The following ADGRB3 variants were observed in gnomAD, a reference collection of about 807,000 sequenced individuals.
ADGRB3 encodes adhesion G protein-coupled receptor B3, also known as brain-specific angiogenesis inhibitor 3.
Under a neutral mutation model 193.4 loss-of-function variants are expected in ADGRB3, and 37 were observed. The observed-to-expected ratio is 0.19, with a 90% CI of 0.15 to 0.25. The LOEUF is 0.25. Ranked by LOEUF, ADGRB3 falls within the 10% of genes least tolerant of loss-of-function variation. The probability of loss-of-function intolerance (pLI) is 1.00; values close to 1 mark genes in which losing one functional copy is unlikely to be tolerated. For missense variants in ADGRB3, 1,637 were observed against 1,852.9 expected (o/e 0.88, Z 2.14); for synonymous variants, 690 against 644.2 (o/e 1.07, Z -1.08).
At chr6:68,883,069 T>C (rs1765778573) in intron 3 of ADGRB3, among the ~76,000 whole-genome samples, 1 of 152,086 alleles carries the variant, frequency 6.6e-6, no homozygotes. Context: ...AATTTTTTTG[T>C]ATTTTTAGTA....
At chr6:69,266,433 T>C (rs909065042) in intron 20 of ADGRB3, among the ~76,000 whole-genome samples, 8 of 151,972 alleles carry the variant, frequency 5.3e-5, no homozygotes, top group African/African-American at 1.9e-4. Flanking sequence ...AAATACCCCT[T>C]GAGACCTAAT....
At chr6:69,283,222 T>G (rs1327208214) in intron 20 of ADGRB3, among the ~76,000 whole-genome samples, 1 of 152,216 alleles carries the variant, frequency 6.6e-6, no homozygotes. Flanking sequence ...GCTTCTGTTT[T>G]GTAACAGGGT....
chr6:69,137,078 A>ATTTTTTG (rs1193270145), intron 17 of ADGRB3, among the ~76,000 whole-genome samples: 2 of 121,434 alleles, frequency 1.6e-5, no homozygotes, highest in Non-Finnish European at 3.4e-5. Context: ...TTTTTTTTTA[A>ATTTTTTG]TGGTAAGATC....
At chr6:69,090,191 C>A (rs985211839) in intron 17 of ADGRB3, among the ~76,000 whole-genome samples, 2 of 152,134 alleles carry the variant, frequency 1.3e-5, no homozygotes, top group Non-Finnish European at 2.9e-5. Context: ...CTTAATATTA[C>A]ATGTATTTCA....
rs375977913 is a variant in ADGRB3, at chr6:68,710,286, C to T, written c.757+70854C>T. 2.0e-5 allele frequency among the ~76,000 whole-genome samples: 3 copies of T among 152,208 alleles called. No individual in the cohort carries two copies. The South Asian group carries it at 6.2e-4, about 32-fold the overall frequency. On this transcript the variant is annotated intron_variant, in intron 3 of 31. Transcript: ENST00000370598. ...TTCTCTGAATGTTATTACTTACTTC[C>T]ACTCTAACTCTGGTGCTGTGGGTTT...
intron 17 of ADGRB3, among the ~76,000 whole-genome samples, chr6:69,109,199 A>G (rs1773300269): frequency 6.6e-6 from 1 of 152,204 alleles, no homozygotes; most frequent in Non-Finnish European, 1.5e-5. Context: ...CATTTTAGAC[A>G]AGGTTGAATT....
intron 17 of ADGRB3, among the ~76,000 whole-genome samples, chr6:69,087,344 A>G (rs1258699561): frequency 6.6e-6 from 1 of 152,194 alleles, no homozygotes. Context: ...CAGCTTTGAC[A>G]TACTGAACTG....
intron 3 of ADGRB3, among the ~76,000 whole-genome samples, chr6:68,839,540 A>T (rs921531038): frequency 6.6e-6 from 1 of 152,194 alleles, no homozygotes. Flanking sequence ...CCTTATAGGA[A>T]CAAATTTCCA....
At chr6:69,197,278 C>A (rs1490649873) in intron 17 of ADGRB3, among the ~76,000 whole-genome samples, 2 of 151,952 alleles carry the variant, frequency 1.3e-5, no homozygotes, top group Non-Finnish European at 2.9e-5. Context: ...AATACTTTAA[C>A]TTTTAATTTT....
chr6:69,031,306 G>T lies in ADGRB3; in HGVS notation c.2107+12807G>T, dbSNP rs550595570. ...ATACAAAAATTTAACCGGGCGCAGT[G>T]GTTGGGGGCCTGTAGTCCCAGCTAC... On this transcript the variant is annotated intron_variant, in intron 13 of 31. Transcript: ENST00000370598. Among the ~76,000 whole-genome samples, 4 of 151,520 alleles carry T rather than the reference G, an allele frequency of 2.6e-5. No homozygotes were observed. The South Asian group carries it at 8.3e-4, about 32-fold the overall frequency.
chr6:68,660,683 T>C (rs1768607259), intron 3 of ADGRB3, among the ~76,000 whole-genome samples: 1 of 151,218 alleles, frequency 6.6e-6, no homozygotes, highest in Non-Finnish European at 1.5e-5. Context: ...TCTTTTAAAA[T>C]GTCTCATCTC....
At chr6:69,016,207 A>G (rs1211942427) in intron 12 of ADGRB3, among the ~76,000 whole-genome samples, 1 of 152,090 alleles carries the variant, frequency 6.6e-6, no homozygotes, top group Non-Finnish European at 1.5e-5. Context: ...AAGTTTGCCA[A>G]CCTTTTATAA....
chr6:69,376,054 T>G (rs1229582834), intron 30 of ADGRB3, among the ~76,000 whole-genome samples: 2 of 149,120 alleles, frequency 1.3e-5, no homozygotes, highest in African/African-American at 2.4e-5. Context: ...ATAAAAATTT[T>G]CACAGTTTTC....
At chr6:69,253,517 G>A (rs1766673200) in intron 20 of ADGRB3, among the ~76,000 whole-genome samples, 1 of 152,010 alleles carries the variant, frequency 6.6e-6, no homozygotes, top group Non-Finnish European at 1.5e-5. Context: ...AATTAGATGA[G>A]GATGCTGAGA....
chr6:69,040,811 A>G (rs958551278), intron 13 of ADGRB3, among the ~76,000 whole-genome samples: 4 of 151,778 alleles, frequency 2.6e-5, no homozygotes, highest in Non-Finnish European at 5.9e-5. Context: ...AAGTTTCTAT[A>G]TACATATTAC....
rs375611922 is a variant in ADGRB3, at chr6:69,361,262, T to G, written c.3989T>G (p.Ile1330Ser). The change falls in exon 29 of 32, where the codon ATT becomes AGT. Residue 1330 changes from isoleucine (I) to serine (S), a missense_variant. Ile to Ser is a moderately radical substitution (Grantham distance 142). Transcript: ENST00000370598. The stretch of plus-strand genomic sequence containing the variant: ...ATGAAAGAAGAAAGCAAAATGAATA[T>G]TGGCATGGAAACCTTGCCGCATGAA... ...PSMKEESKMN[I>S]GMETLPHERL... 4.7e-5 allele frequency: 76 copies of G among 1,612,698 alleles called. 1 individual carries two copies. The highest frequency in any genetic ancestry group is 3.1e-4 in the East Asian group (14 of 44,848).
At chr6:68,739,344 T>C (rs1765933560) in intron 3 of ADGRB3, among the ~76,000 whole-genome samples, 1 of 152,158 alleles carries the variant, frequency 6.6e-6, no homozygotes, top group South Asian at 2.1e-4. Context: ...TTTTGTTTAG[T>C]TTTAGTTGGG....
At chr6:68,930,095 G>T (rs911745700) in intron 3 of ADGRB3, among the ~76,000 whole-genome samples, 18 of 151,390 alleles carry the variant, frequency 1.2e-4, no homozygotes, top group Non-Finnish European at 1.9e-4. Flanking sequence ...TCTATTAAGT[G>T]ACTGGGTTTA....
intron 13 of ADGRB3, among the ~76,000 whole-genome samples, chr6:69,025,390 T>C (rs1440185927): frequency 6.6e-6 from 1 of 152,224 alleles, no homozygotes; most frequent in Non-Finnish European, 1.5e-5. Context: ...CTTCTCTTTC[T>C]AGGCTTTATT....
Sources: allele counts gnomAD v4.1 joint callset (sites outside exome capture counted in the v4.1 genomes callset), GRCh38; gene constraint gnomAD v4.1.1; transcripts MANE v1.5; gene names NCBI Gene and HGNC (gene_info 2026-07-23, HGNC 2026-07-21).